The following UHRF1 variants were observed in gnomAD, a reference collection of about 807,000 sequenced individuals.
UHRF1 encodes the protein E3 ubiquitin-protein ligase UHRF1.
Under a neutral mutation model 96.5 loss-of-function variants are expected in UHRF1, and 9 were observed. The observed-to-expected ratio is 0.09, with a 90% CI of 0.06 to 0.16. UHRF1 has a LOEUF of 0.16. Among genes scored for constraint, UHRF1 ranks in the 10% least tolerant of loss-of-function variants. UHRF1 has a pLI of 1.00. For synonymous variants in UHRF1, 455 were observed against 469.9 expected (o/e 0.97, Z 0.41); for missense variants, 626 against 1,131.1 (o/e 0.55, Z 6.40).
chr19:4,952,303 A>G (rs1197943823), intron 13 of UHRF1, among the ~76,000 whole-genome samples: 1 of 150,982 alleles, frequency 6.6e-6, no homozygotes, highest in Non-Finnish European at 1.5e-5. Flanking sequence ...CATGTTGGTC[A>G]GGCTGGTCTT....
chr19:4,941,815 C>T lies in UHRF1; in HGVS notation c.957C>T (p.His319=), dbSNP rs757002400. The T allele has an allele frequency of 2.9e-5, 46 of 1,579,864 alleles. No individual in the cohort carries two copies. Among genetic ancestry groups the T allele is most frequent in the Non-Finnish European group, 3.6e-5 (42 of 1,163,386 alleles). Residue 319 remains histidine (H), a synonymous_variant, in exon 7 of 17, where the codon CAC becomes CAT. Transcript: ENST00000650932. The part of the protein sequence containing the change: ...VNRLCRVCAC[H]LCGGRQDPDK... Reference sequence around the variant, plus strand: ...GACTCTGCCGGGTCTGCGCCTGCCACCTGTGCGGGGGCCGGCAGGACCCCG... The same window carrying T: ...GACTCTGCCGGGTCTGCGCCTGCCATCTGTGCGGGGGCCGGCAGGACCCCG...
At chr19:4,926,650 C>T (rs2032880424) in intron 2 of UHRF1, among the ~76,000 whole-genome samples, 2 of 152,076 alleles carry the variant, frequency 1.3e-5, no homozygotes, top group Non-Finnish European at 2.9e-5. Flanking sequence ...CCTGTGGTCC[C>T]AGCCACTCAG....
chr19:4,947,768 G>T (rs1383373221), intron 11 of UHRF1, among the ~76,000 whole-genome samples: 1 of 151,684 alleles, frequency 6.6e-6, no homozygotes, highest in Non-Finnish European at 1.5e-5. Context: ...CCCAATATTG[G>T]TATTACAGGC....
intron 2 of UHRF1, among the ~76,000 whole-genome samples, chr19:4,915,706 T>C (rs1599242261): frequency 6.6e-6 from 1 of 151,244 alleles, no homozygotes; most frequent in African/African-American, 2.4e-5. Flanking sequence ...CAAGACTCCG[T>C]CTCAAAAAAA....
chr19:4,913,252 C>CTTTT lies in UHRF1; in HGVS notation c.153+2229_153+2232dup, dbSNP rs4022195. Among the ~76,000 whole-genome samples, 479 of 111,156 alleles carry CTTTT rather than the reference C, an allele frequency of 4.3e-3. 29 individuals are homozygous for CTTTT. The highest frequency in any genetic ancestry group is 0.037 in the South Asian group (127 of 3,440). The allele number at this position is 111,156 out of a possible 152,430, so 72.9% of individuals were successfully genotyped here. A position where few individuals can be genotyped will look rare whatever the true frequency, so the allele number is the denominator to read the frequency against. On this transcript the variant is annotated intron_variant, in intron 2 of 16. Transcript: ENST00000650932. ...ATGTTAATTAGACATGTACATTGTGCTTTTTTTTTTTTTTTTTTGAGATGG... is the reference window on the plus strand; with the variant it reads ...ATGTTAATTAGACATGTACATTGTGCTTTTTTTTTTTTTTTTTTTTTTGAGATGG...
At chr19:4,928,597 T>C (rs1038732564) in intron 2 of UHRF1, among the ~76,000 whole-genome samples, 1 of 152,134 alleles carries the variant, frequency 6.6e-6, no homozygotes, top group African/African-American at 2.4e-5. Context: ...GCAGGCGAGA[T>C]TGGCGCTGGA....
intron 2 of UHRF1, among the ~76,000 whole-genome samples, chr19:4,922,514 G>A (rs2032733868): frequency 6.7e-6 from 1 of 149,674 alleles, no homozygotes; most frequent in African/African-American, 2.5e-5. Context: ...TGATCCATCC[G>A]CCCTCGGCCT....
intron 2 of UHRF1, among the ~76,000 whole-genome samples, chr19:4,926,582 G>C (rs1340337195): frequency 6.6e-6 from 1 of 152,048 alleles, no homozygotes; most frequent in Non-Finnish European, 1.5e-5. Context: ...AAACCAGCTT[G>C]GGCAAAGCAG....
chr19:4,932,009 G>T (rs537875464), intron 4 of UHRF1, among the ~76,000 whole-genome samples: 2 of 152,112 alleles, frequency 1.3e-5, no homozygotes, highest in African/African-American at 4.8e-5. Flanking sequence ...TCGGCTCACC[G>T]CAACCTCTGC....
chr19:4,949,635 C>CTTG (rs889493500), intron 11 of UHRF1, among the ~76,000 whole-genome samples: 11 of 151,894 alleles, frequency 7.2e-5, no homozygotes, highest in African/African-American at 2.7e-4. Context: ...TTGAGACCTA[C>CTTG]TTGTGCAACA....
At chr19:4,947,302 C>T in intron 11 of UHRF1, 91 bp downstream of exon 11, 1 of 1,173,794 alleles carries the variant, frequency 8.5e-7, no homozygotes, top group Non-Finnish European at 1.3e-6. Flanking sequence ...AAGTGATAGT[C>T]TCATTAGGAG....
rs1188415617 is a variant in UHRF1, at chr19:4,909,522, G to A, written c.-144G>A. On this transcript the variant is annotated 5_prime_UTR_variant, in exon 1 of 17. Transcript: ENST00000650932. ...AATCAGAGCAGCTGGCAGCGCGGCG[G>A]GCAGCGTTTGCCGAGCGGGCGCTCC... 4 of 658,234 alleles carry A rather than the reference G, an allele frequency of 6.1e-6. No homozygotes were observed. The highest frequency in any genetic ancestry group is 1.6e-5 in the South Asian group (1 of 63,622). 40.8% of individuals were successfully genotyped at this position (658,234 alleles called of 1,614,324 possible).
chr19:4,914,024 A>G (rs1465220883), intron 2 of UHRF1, among the ~76,000 whole-genome samples: 1 of 151,880 alleles, frequency 6.6e-6, no homozygotes, highest in Non-Finnish European at 1.5e-5. Flanking sequence ...CATGTTGGTC[A>G]GGCTGGTCTC....
chr19:4,911,092 T>TGCAGCCACCAGCC, intron 2 of UHRF1, 54 bp downstream of exon 2: 1 of 1,438,322 alleles, frequency 7.0e-7, no homozygotes, highest in Non-Finnish European at 9.2e-7. Flanking sequence ...CTCGCGCCTC[T>TGCAGCCACCAGCC]GCAGCCACCA....
At chr19:4,943,332 G>C (rs765791320) in intron 7 of UHRF1, among the ~76,000 whole-genome samples, 1 of 152,148 alleles carries the variant, frequency 6.6e-6, no homozygotes, top group South Asian at 2.1e-4. Flanking sequence ...AGTGCAGGGG[G>C]CTTCACAGCT....
chr19:4,914,292 C>T (rs781294838), intron 2 of UHRF1, among the ~76,000 whole-genome samples: 3 of 152,036 alleles, frequency 2.0e-5, no homozygotes, highest in East Asian at 1.9e-4. Flanking sequence ...CCTCCCAGAG[C>T]GTGAAGTCTG....
chr19:4,934,469 T>C (rs2779176), intron 5 of UHRF1, among the ~76,000 whole-genome samples: 42,506 of 152,110 alleles, frequency 0.28, 6,218 homozygotes, highest in Middle Eastern at 0.39. Flanking sequence ...ACTCACTCCC[T>C]AGCCCCTGAC....
intron 5 of UHRF1, among the ~76,000 whole-genome samples, chr19:4,939,218 ATT>A (rs35132707): frequency 0.054 from 6,479 of 120,790 alleles, 213 homozygotes; most frequent in Non-Finnish European, 0.078. Context: ...GCACCCGGCC[ATT>A]TTTTTTTTTT....
intron 5 of UHRF1, among the ~76,000 whole-genome samples, chr19:4,935,009 T>C (rs563591764): frequency 1.6e-4 from 25 of 152,196 alleles, no homozygotes; most frequent in East Asian, 1.3e-3. Flanking sequence ...AGTCTTGCTC[T>C]GTCACCCAGG....
Sources: allele counts gnomAD v4.1 joint callset (sites outside exome capture counted in the v4.1 genomes callset), GRCh38; gene constraint gnomAD v4.1.1; transcripts MANE v1.5; gene names NCBI Gene and HGNC (gene_info 2026-07-23, HGNC 2026-07-21).